NOD1: variants seen among roughly 807,000 people sequenced by gnomAD.
NOD1 encodes nucleotide-binding oligomerization domain-containing protein 1.
A neutral mutation model predicts 81.2 loss-of-function variants in NOD1; 70 were observed. That is an observed-to-expected ratio of 0.86 (90% CI 0.71 to 1.05). NOD1 has a LOEUF of 1.05. Ranked by LOEUF, NOD1 falls within the 50% of genes least tolerant of loss-of-function variation. The probability of loss-of-function intolerance (pLI) is 0.00; values close to 1 mark genes in which losing one functional copy is unlikely to be tolerated. For missense variants in NOD1, 1,233 were observed against 1,228.0 expected (o/e 1.00, Z -0.06); for synonymous variants, 508 against 526.9 (o/e 0.96, Z 0.49).
At chr7:30,437,470 C>T in intron 10 of NOD1, 103 bp downstream of exon 10, 1 of 659,910 alleles carries the variant, frequency 1.5e-6, no homozygotes, top group Non-Finnish European at 2.4e-6. Context: ...ATCACACATG[C>T]AAATTCCTCT....
intron 8 of NOD1, chr7:30,446,732 G>A (rs977348614): frequency 9.9e-6 from 5 of 507,548 alleles, no homozygotes; most frequent in Non-Finnish European, 1.7e-5. Context: ...TCCTTTCTTC[G>A]GCCTAGTAGT....
chr7:30,438,531 A>G (rs1053743526), intron 9 of NOD1, among the ~76,000 whole-genome samples: 4 of 152,366 alleles, frequency 2.6e-5, no homozygotes, highest in Non-Finnish European at 5.9e-5. Flanking sequence ...CTGTCTACAC[A>G]CAACAGAACA....
At chr7:30,458,487 A>AT (rs1314448549) in intron 3 of NOD1, among the ~76,000 whole-genome samples, 4 of 151,958 alleles carry the variant, frequency 2.6e-5, no homozygotes, top group Non-Finnish European at 5.9e-5. Flanking sequence ...GTGGTTCTCA[A>AT]TTTTTTTTCC....
chr7:30,456,334 A>T (rs185593717), intron 4 of NOD1, among the ~76,000 whole-genome samples: 1 of 152,216 alleles, frequency 6.6e-6, no homozygotes, highest in Admixed American at 6.5e-5. Flanking sequence ...CCTGACCCTG[A>T]GTCGGTTCCC....
rs538794188 is a variant in NOD1 at position 30,425,548 on chromosome 7, C to T, written c.*90G>A. The stretch of plus-strand genomic sequence containing the variant: ...CCTGATAGTCCCGCCTGCGCAGGCC[C>T]CTTTAAGACACTGACACAAAAGACT... On this transcript the variant is annotated 3_prime_UTR_variant, in exon 14 of 14. Transcript: ENST00000222823. 1.8e-4 allele frequency: 164 copies of T among 923,986 alleles called. 1 individual carries two copies. In the South Asian group the frequency reaches 2.1e-3, roughly 12 times the overall value. 57.2% of individuals were successfully genotyped at this position (923,986 alleles called of 1,614,324 possible).
At chr7:30,429,313 G>GT in intron 13 of NOD1, 61 bp downstream of exon 13, 1 of 1,387,036 alleles carries the variant, frequency 7.2e-7, no homozygotes, top group Non-Finnish European at 1.0e-6. Context: ...GCCTTGCACA[G>GT]TCAGTGGTGG....
Position 30,456,757 on chromosome 7 carries a change from C to T in NOD1, c.165G>A (p.Ala55=), listed in dbSNP as rs371481333. 134 of 1,614,052 alleles carry T rather than the reference C, an allele frequency of 8.3e-5. No individual in the cohort carries two copies. The Admixed American group carries it at 8.7e-4, about 10-fold the overall frequency. The change falls in exon 4 of 14, where the codon GCG becomes GCA. Residue 55 remains alanine (A), a synonymous_variant. Transcript: ENST00000222823. ...LKNDYFSAED[A]EIVCACPTQP... Reference sequence around the variant, plus strand: ...GGGTGGGGCAGGCACACACAATCTCCGCATCTTCGGCCGAGAAGTAGTCAT... The same window carrying T: ...GGGTGGGGCAGGCACACACAATCTCTGCATCTTCGGCCGAGAAGTAGTCAT...
At chr7:30,438,186 C>T (rs567284942) in intron 9 of NOD1, among the ~76,000 whole-genome samples, 1 of 152,316 alleles carries the variant, frequency 6.6e-6, no homozygotes, top group Non-Finnish European at 1.5e-5. Flanking sequence ...GAGGACGTTA[C>T]CCAACCAAGC....
At chr7:30,435,563 TA>T (rs1409280234) in intron 11 of NOD1, among the ~76,000 whole-genome samples, 2 of 152,130 alleles carry the variant, frequency 1.3e-5, no homozygotes, top group Admixed American at 1.3e-4. Flanking sequence ...ATTATCAACT[TA>T]ACTGAAAGGC....
chr7:30,448,890 T>C (rs1050301388), intron 6 of NOD1, among the ~76,000 whole-genome samples: 7 of 152,074 alleles, frequency 4.6e-5, no homozygotes, highest in African/African-American at 1.7e-4. Flanking sequence ...GCCAACAGCT[T>C]CCCCCCATCC....
intron 1 of NOD1, among the ~76,000 whole-genome samples, chr7:30,465,080 G>A (rs1303700466): frequency 6.6e-6 from 1 of 151,640 alleles, no homozygotes; most frequent in African/African-American, 2.4e-5. Flanking sequence ...TGAATGTGTG[G>A]AAGCAGAAAT....
chr7:30,425,804 T>G (rs996591748), intron 13 of NOD1, 94 bp from the exon 14 acceptor site: 13 of 835,784 alleles, frequency 1.6e-5, no homozygotes, highest in Middle Eastern at 2.2e-4. Flanking sequence ...CACACTCGTG[T>G]ATCACACAAT....
intron 5 of NOD1, among the ~76,000 whole-genome samples, chr7:30,453,979 G>A (rs190296253): frequency 2.0e-5 from 3 of 152,358 alleles, no homozygotes; most frequent in African/African-American, 7.2e-5. Context: ...GGAACCAACA[G>A]AGAAGTCTTT....
At chr7:30,433,807 C>G (rs1313485814) in intron 11 of NOD1, among the ~76,000 whole-genome samples, 2 of 151,612 alleles carry the variant, frequency 1.3e-5, no homozygotes, top group Non-Finnish European at 2.9e-5. Flanking sequence ...ACAGAAAGAA[C>G]ATTTAAAAAA....
intron 10 of NOD1, among the ~76,000 whole-genome samples, chr7:30,437,318 C>T (rs1784464250): frequency 1.3e-5 from 2 of 152,170 alleles, no homozygotes; most frequent in African/African-American, 4.8e-5. Context: ...TGCAGCAAAT[C>T]ACCATGGCAT....
chr7:30,467,548 G>T lies in NOD1; in HGVS notation c.-351-7507C>A, dbSNP rs1648665082. On this transcript the variant is annotated intron_variant, in intron 1 of 13. Coordinates refer to ENST00000222823, the MANE Select transcript of NOD1 (RefSeq NM_006092.4). This position sits in a 1 kb window ranked among gnomAD's most constrained non-coding sequence, Gnocchi z 4.5. ...CTTGGTCTTCATTAAACTAAACGAT[G>T]GTTCATTAAGACCAAACAAACTCAG... Among the ~76,000 whole-genome samples, 1 of 152,106 alleles carries T rather than the reference G, an allele frequency of 6.6e-6. No individual in the cohort carries two copies. Among genetic ancestry groups the T allele is most frequent in the Admixed American group, 6.5e-5 (1 of 15,276 alleles).
intron 4 of NOD1, 123 bp downstream of exon 4, chr7:30,456,598 C>A: frequency 1.3e-6 from 1 of 776,228 alleles, no homozygotes. Context: ...CTATTAGTAC[C>A]CCAAAATGCA....
At chr7:30,447,159 AG>A (rs777651988) in intron 7 of NOD1, 109 bp from the exon 8 acceptor site, 2 of 1,584,342 alleles carry the variant, frequency 1.3e-6, no homozygotes, top group South Asian at 2.3e-5. Context: ...CTGGGTTGAA[AG>A]GGGAACACAC....
In NOD1 at chr7:30,452,256, C is replaced by T. The variant is rs780734361; in HGVS notation, c.1161G>A (p.Leu387=). The T allele has an allele frequency of 2.6e-5, 42 of 1,613,594 alleles. No homozygotes were observed. In the Admixed American group the frequency reaches 7.0e-4, roughly 27 times the overall value. Residue 387 remains leucine, a synonymous_variant, in exon 6 of 14, where the codon CTG becomes CTA. Coordinates refer to ENST00000222823, the MANE Select transcript of NOD1 (RefSeq NM_006092.4). The part of the protein sequence containing the change: ...QLEANPNLCS[L]CSVPLFCWII... ...TCCAGCAGAAGAGGGGCACAGAGCACAGGCTGCAGAGGTTGGGGTTGGCCT... is the reference window on the plus strand; with the variant it reads ...TCCAGCAGAAGAGGGGCACAGAGCATAGGCTGCAGAGGTTGGGGTTGGCCT...
Sources: allele counts gnomAD v4.1 joint callset (sites outside exome capture counted in the v4.1 genomes callset), GRCh38; gene constraint gnomAD v4.1.1; non-coding constraint Gnocchi (gnomAD v3.1); transcripts MANE v1.5; gene names NCBI Gene and HGNC (gene_info 2026-07-23, HGNC 2026-07-21).